The following KCNMB2 variants were observed in gnomAD, a reference collection of about 807,000 sequenced individuals.
The protein encoded by KCNMB2 is potassium calcium-activated channel subfamily M regulatory beta subunit 2, also known as calcium-activated potassium channel subunit beta-2.
Under a neutral mutation model 24.5 loss-of-function variants are expected in KCNMB2, and 9 were observed. The observed-to-expected ratio is 0.37, with a 90% CI of 0.22 to 0.64. The LOEUF is 0.64. Among genes scored for constraint, KCNMB2 ranks in the 30% least tolerant of loss-of-function variants. The pLI is 0.63. For missense variants in KCNMB2, 226 were observed against 284.3 expected (o/e 0.79, Z 1.47); for synonymous variants, 109 against 104.4 (o/e 1.04, Z -0.27).
chr3:178,823,498 A>G (rs913291999), intron 2 of KCNMB2, among the ~76,000 whole-genome samples: 4 of 152,238 alleles, frequency 2.6e-5, no homozygotes, highest in Non-Finnish European at 5.9e-5. Context: ...AACCACCTCA[A>G]AAAGAGAACT....
At chr3:178,558,971 A>T (rs1716219197) in intron 1 of KCNMB2, 1 of 152,262 alleles carries the variant, frequency 6.6e-6, no homozygotes, top group African/African-American at 2.4e-5. Context: ...GTGAGAGGGC[A>T]GCACGCGCTG....
At position 178,805,734 on chromosome 3, in the gene KCNMB2, A is replaced by G. The variant is rs1713940077; in HGVS notation, c.-67-1609A>G. Reference sequence around the variant, plus strand: ...AGCCTGGTACTCCCAGGCTAAAGCTATCCTCCCACCTTAGCCTCCCGAGTA... The same window carrying G: ...AGCCTGGTACTCCCAGGCTAAAGCTGTCCTCCCACCTTAGCCTCCCGAGTA... On this transcript the variant is annotated intron_variant, in intron 1 of 4. Coordinates refer to ENST00000452583, the MANE Select transcript of KCNMB2 (RefSeq NM_181361.3). 3.3e-5 allele frequency among the ~76,000 whole-genome samples: 5 copies of G among 152,126 alleles called. No homozygotes were observed. In the South Asian group the frequency reaches 1.0e-3, roughly 32 times the overall value.
At chr3:178,786,877 A>AAGACAG (rs1713123611) in intron 1 of KCNMB2, among the ~76,000 whole-genome samples, 2 of 152,248 alleles carry the variant, frequency 1.3e-5, no homozygotes, top group African/African-American at 4.8e-5. Context: ...GTAAAATATA[A>AAGACAG]ATTACATTTA....
At chr3:178,724,546 G>C (rs1352203718) in intron 1 of KCNMB2, among the ~76,000 whole-genome samples, 3 of 151,930 alleles carry the variant, frequency 2.0e-5, no homozygotes, top group Admixed American at 2.0e-4. Context: ...TCTTGCATTT[G>C]CTTTTAGGGT....
At chr3:178,594,609 T>C (rs1298320764) in intron 1 of KCNMB2, among the ~76,000 whole-genome samples, 2 of 152,058 alleles carry the variant, frequency 1.3e-5, no homozygotes, top group African/African-American at 4.8e-5. Context: ...CCTGGAAATG[T>C]TGAATTGAGA....
At chr3:178,695,974 G>T (rs913141378) in intron 1 of KCNMB2, among the ~76,000 whole-genome samples, 2 of 152,160 alleles carry the variant, frequency 1.3e-5, no homozygotes, top group Non-Finnish European at 2.9e-5. Flanking sequence ...TGCTCACACT[G>T]CTAACAAAGA....
At chr3:178,655,095 C>CCTCTCTCCCTCTCTCTCT (rs1720276753) in intron 1 of KCNMB2, among the ~76,000 whole-genome samples, 1 of 111,086 alleles carries the variant, frequency 9.0e-6, no homozygotes, top group African/African-American at 3.5e-5. Flanking sequence ...ATTAGCTCTC[C>CCTCTCTCCCTCTCTCTCT]CTCTCTCTCT....
At chr3:178,609,590 T>C (rs1218005889) in intron 1 of KCNMB2, among the ~76,000 whole-genome samples, 2 of 152,194 alleles carry the variant, frequency 1.3e-5, no homozygotes, top group Non-Finnish European at 2.9e-5. Flanking sequence ...CAATGTTTAC[T>C]TGTAGTCATT....
At chr3:178,748,761 C>A (rs1723749705) in intron 1 of KCNMB2, among the ~76,000 whole-genome samples, 1 of 152,068 alleles carries the variant, frequency 6.6e-6, no homozygotes, top group Non-Finnish European at 1.5e-5. Context: ...AAAATTGGTA[C>A]CCCCAGATAC....
At chr3:178,699,613 G>C (rs1722013039) in intron 1 of KCNMB2, among the ~76,000 whole-genome samples, 2 of 152,218 alleles carry the variant, frequency 1.3e-5, no homozygotes, top group Admixed American at 1.3e-4. Context: ...GGGGCCCTGG[G>C]AGAGGCCAGG....
At chr3:178,796,692 T>G (rs1713556956) in intron 1 of KCNMB2, among the ~76,000 whole-genome samples, 1 of 152,082 alleles carries the variant, frequency 6.6e-6, no homozygotes, top group South Asian at 2.1e-4. Context: ...AAATTAAAAT[T>G]TTATTGAAAT....
intron 1 of KCNMB2, among the ~76,000 whole-genome samples, chr3:178,586,688 G>T (rs1717451886): frequency 6.6e-6 from 1 of 151,690 alleles, no homozygotes; most frequent in South Asian, 2.1e-4. Context: ...GGGATTACAG[G>T]CATGTGCCAC....
intron 1 of KCNMB2, among the ~76,000 whole-genome samples, chr3:178,633,409 C>T (rs989023003): frequency 8.5e-5 from 13 of 152,234 alleles, no homozygotes; most frequent in Admixed American, 2.0e-4. Context: ...GGCAGAAGTT[C>T]CCAAACCTCA....
chr3:178,660,120 G>A (rs1207876129), intron 1 of KCNMB2, among the ~76,000 whole-genome samples: 1 of 152,092 alleles, frequency 6.6e-6, no homozygotes, highest in Non-Finnish European at 1.5e-5. Context: ...ACACAGTCCT[G>A]TATCTGAATC....
chr3:178,569,443 G>A (rs1028300871), intron 1 of KCNMB2, among the ~76,000 whole-genome samples: 4 of 152,088 alleles, frequency 2.6e-5, no homozygotes, highest in African/African-American at 9.7e-5. Context: ...AGAGAAAGAG[G>A]CAATTTCCAA....
intron 1 of KCNMB2, among the ~76,000 whole-genome samples, chr3:178,684,001 C>T (rs1721369804): frequency 6.6e-6 from 1 of 152,264 alleles, no homozygotes; most frequent in Non-Finnish European, 1.5e-5. Flanking sequence ...CACTGCTATA[C>T]TTACAGTGAA....
intron 1 of KCNMB2, among the ~76,000 whole-genome samples, chr3:178,757,719 T>A (rs1344245214): frequency 2.5e-4 from 20 of 79,638 alleles, no homozygotes; most frequent in African/African-American, 9.3e-4. Context: ...GATATATATA[T>A]GTATATATAT....
intron 1 of KCNMB2, among the ~76,000 whole-genome samples, chr3:178,567,477 C>T (rs1716568337): frequency 6.6e-6 from 1 of 151,986 alleles, no homozygotes; most frequent in Admixed American, 6.6e-5. Context: ...TATGGCTACA[C>T]AGAGAACCTG....
At chr3:178,727,651 T>C (rs1577130198) in intron 1 of KCNMB2, among the ~76,000 whole-genome samples, 2 of 151,188 alleles carry the variant, frequency 1.3e-5, no homozygotes, top group Admixed American at 1.3e-4. Flanking sequence ...AGGAAGGGAG[T>C]CATGAGCCAA....
Sources: allele counts gnomAD v4.1 joint callset (sites outside exome capture counted in the v4.1 genomes callset), GRCh38; gene constraint gnomAD v4.1.1; transcripts MANE v1.5; gene names NCBI Gene and HGNC (gene_info 2026-07-23, HGNC 2026-07-21).